The following NCAM1 variants were observed in gnomAD, a reference collection of about 807,000 sequenced individuals.
NCAM1 encodes the protein antigen recognized by monoclonal antibody 5.1H11.
Under a neutral mutation model 109.8 loss-of-function variants are expected in NCAM1, and 14 were observed. The observed-to-expected ratio is 0.13, with a 90% confidence interval of 0.08 to 0.20. NCAM1 has a LOEUF of 0.20. Among genes scored for constraint, NCAM1 ranks in the 10% least tolerant of loss-of-function variants. NCAM1 has a pLI of 1.00. For missense variants in NCAM1, 774 were observed against 1,109.9 expected, an observed-to-expected ratio of 0.70 and a Z score of 4.30; for synonymous variants, 418 against 442.9, an observed-to-expected ratio of 0.94 and a Z score of 0.70.
intron 1 of NCAM1, among the ~76,000 whole-genome samples, chr11:113,057,826 A>G (rs1440217668): frequency 2.0e-5 from 3 of 152,236 alleles, no homozygotes; most frequent in African/African-American, 7.2e-5. Flanking sequence ...GAGTGCATGT[A>G]GCTCATCCAA....
At chr11:113,027,621 T>C (rs1353807121) in intron 1 of NCAM1, among the ~76,000 whole-genome samples, 7 of 152,218 alleles carry the variant, frequency 4.6e-5, no homozygotes, top group Admixed American at 4.6e-4. Flanking sequence ...ACAGCTTCTT[T>C]CGGCATTTAA....
intron 1 of NCAM1, among the ~76,000 whole-genome samples, chr11:113,059,666 T>C (rs1953848131): frequency 1.3e-5 from 2 of 152,238 alleles, no homozygotes; most frequent in East Asian, 1.9e-4. Context: ...GCTTCACATA[T>C]AACCAGCACC....
At chr11:112,980,640 G>C (rs533701759) in intron 1 of NCAM1, among the ~76,000 whole-genome samples, 1 of 151,530 alleles carries the variant, frequency 6.6e-6, no homozygotes, top group Non-Finnish European at 1.5e-5. Context: ...TAGTTTTGAG[G>C]GTACAGGTGG....
At chr11:113,028,471 A>G (rs912065416) in intron 1 of NCAM1, among the ~76,000 whole-genome samples, 1 of 152,228 alleles carries the variant, frequency 6.6e-6, no homozygotes, top group African/African-American at 2.4e-5. Context: ...CTAAATTACC[A>G]GGAGGTGTGG....
chr11:113,063,067 T>C (rs191801128), intron 1 of NCAM1, among the ~76,000 whole-genome samples: 6 of 152,310 alleles, frequency 3.9e-5, no homozygotes, highest in Admixed American at 3.3e-4. Flanking sequence ...TAAAGAATCT[T>C]GCAGCCTCCG....
chr11:113,233,058 A>ATTTC lies in NCAM1; in HGVS notation c.1523-89_1523-88insTTTC. On this transcript the variant is annotated intron_variant, in intron 12 of 19. Coordinates refer to ENST00000316851, the MANE Select transcript of NCAM1 (RefSeq NM_181351.5). This position sits in a 1 kb window ranked among gnomAD's most constrained non-coding sequence, Gnocchi z 4.5. ...TGACAGGATTCCCAAGAGTGAGCAGAAATGACAGAGATGTGCCTTGTGACT... is the reference window on the plus strand; with the variant it reads ...TGACAGGATTCCCAAGAGTGAGCAGATTTCAATGACAGAGATGTGCCTTGTGACT... The ATTTC allele has an allele frequency of 3.0e-6, 4 of 1,339,926 alleles. No individual in the cohort carries two copies. The highest frequency in any genetic ancestry group is 4.1e-6 in the Non-Finnish European group (4 of 968,358). The allele number at this position is 1,339,926 out of a possible 1,614,324, so 83.0% of individuals were successfully genotyped here.
intron 17 of NCAM1, chr11:113,263,006 C>A (rs1427889748): frequency 1.9e-6 from 3 of 1,549,110 alleles, no homozygotes; most frequent in Admixed American, 3.9e-5. Flanking sequence ...AAGAACCTGG[C>A]AGGACCACCA....
At chr11:113,142,159 G>A (rs1225470774) in intron 1 of NCAM1, among the ~76,000 whole-genome samples, 2 of 152,134 alleles carry the variant, frequency 1.3e-5, no homozygotes, top group Non-Finnish European at 2.9e-5. Flanking sequence ...CTTTACAAAT[G>A]TTATTTCATT....
chr11:113,233,130 A>G lies in NCAM1; in HGVS notation c.1523-17A>G, dbSNP rs1360426842. The G allele has an allele frequency of 6.2e-7, 1 of 1,609,174 alleles. No individual in the cohort carries two copies. The highest frequency in any genetic ancestry group is 8.5e-7 in the Non-Finnish European group (1 of 1,178,298). On this transcript the variant is annotated splice_polypyrimidine_tract_variant and intron_variant, in intron 12 of 19. Coordinates refer to ENST00000316851, the MANE Select transcript of NCAM1 (RefSeq NM_181351.5). The surrounding 1 kb of genome is among the most constrained non-coding windows in gnomAD (Gnocchi z 4.5). ...AAACTGGGCTCACCTGAGTCTCCAT[A>G]TGTGTCTTCCCCACAGACACCCCCT...
chr11:113,111,979 C>T (rs541435043), intron 1 of NCAM1, among the ~76,000 whole-genome samples: 47 of 152,218 alleles, frequency 3.1e-4, no homozygotes, highest in African/African-American at 1.0e-3. Context: ...GTTTACTATG[C>T]GAAAAAGAAA....
chr11:113,098,907 G>T (rs1284577761), intron 1 of NCAM1, among the ~76,000 whole-genome samples: 1 of 152,118 alleles, frequency 6.6e-6, no homozygotes, highest in Non-Finnish European at 1.5e-5. Context: ...ACAGTCCTCA[G>T]GTTCCTGGAG....
Position 113,094,794 on chromosome 11 carries a change from T to C in NCAM1, c.53-107585T>C, listed in dbSNP as rs535150464. 3.2e-4 allele frequency among the ~76,000 whole-genome samples: 49 copies of C among 152,368 alleles called. No homozygotes were observed. The South Asian group carries it at 8.5e-3, about 26-fold the overall frequency. ...GAATTAAGGGAGAACAGATTTGTTG[T>C]TGTTGTTGACTGTCAAACAACTCTG... On this transcript the variant is annotated intron_variant, in intron 1 of 19. Transcript: ENST00000316851.
chr11:113,260,074 C>T (rs536930750), intron 16 of NCAM1, 72 bp from the exon 17 acceptor site: 324 of 1,403,322 alleles, frequency 2.3e-4, no homozygotes, highest in Middle Eastern at 7.4e-4. Flanking sequence ...TGCCTATTGT[C>T]TGGTCTTACC....
chr11:113,006,296 A>T (rs1054719423), intron 1 of NCAM1, among the ~76,000 whole-genome samples: 1 of 152,116 alleles, frequency 6.6e-6, no homozygotes, highest in Admixed American at 6.6e-5. Flanking sequence ...TTCACTAGGG[A>T]TTCATTCATT....
intron 1 of NCAM1, among the ~76,000 whole-genome samples, chr11:113,182,107 G>A (rs1251410536): frequency 2.6e-5 from 4 of 152,108 alleles, no homozygotes; most frequent in Non-Finnish European, 5.9e-5. Context: ...TGTCCTCAGA[G>A]GTATTCATAT....
intron 1 of NCAM1, among the ~76,000 whole-genome samples, chr11:113,038,175 G>GA (rs1489373652): frequency 6.6e-6 from 1 of 152,166 alleles, no homozygotes; most frequent in Non-Finnish European, 1.5e-5. Context: ...CCCTCTCCAT[G>GA]ACCCAGTTCT....
chr11:113,213,383 T>C (rs142494685), intron 7 of NCAM1, among the ~76,000 whole-genome samples: 189 of 152,370 alleles, frequency 1.2e-3, no homozygotes, highest in African/African-American at 4.4e-3. Context: ...TTTTCTCTAA[T>C]GTTTTAACAT....
intron 1 of NCAM1, among the ~76,000 whole-genome samples, chr11:113,055,978 G>GATATATATATAT (rs58693567): frequency 1.7e-5 from 1 of 60,028 alleles, no homozygotes; most frequent in Non-Finnish European, 3.3e-5. Context: ...AAGAAAATGT[G>GATATATATATAT]ATATATATAT....
intron 1 of NCAM1, among the ~76,000 whole-genome samples, chr11:113,033,070 G>A (rs1565394880): frequency 6.6e-6 from 1 of 152,306 alleles, no homozygotes; most frequent in East Asian, 1.9e-4. Flanking sequence ...TAATTTGTAT[G>A]TGAGAGGTGA....
Sources: allele counts gnomAD v4.1 joint callset (sites outside exome capture counted in the v4.1 genomes callset), GRCh38; gene constraint gnomAD v4.1.1; non-coding constraint Gnocchi (gnomAD v3.1); transcripts MANE v1.5; gene names NCBI Gene and HGNC (gene_info 2026-07-23, HGNC 2026-07-21).